DLG2: variants seen among roughly 807,000 people sequenced by gnomAD.
DLG2 encodes the protein discs large MAGUK scaffold protein 2.
DLG2 carries 45 observed loss-of-function variants against 132.5 expected under a neutral mutation model. The observed-to-expected ratio is 0.34, with a 90% CI of 0.27 to 0.44. The LOEUF (loss-of-function observed/expected upper bound fraction) is 0.44, where lower values mean the gene tolerates loss of function less well. Among genes scored for constraint, DLG2 ranks in the 20% least tolerant of loss-of-function variants. The pLI is 1.00. For synonymous variants in DLG2, 424 were observed against 419.6 expected, an observed-to-expected ratio of 1.01 and a Z score of -0.13; for missense variants, 1,045 against 1,196.9, an observed-to-expected ratio of 0.87 and a Z score of 1.87.
intron 19 of DLG2, among the ~76,000 whole-genome samples, chr11:83,549,593 T>C (rs1474816527): frequency 6.6e-6 from 1 of 152,158 alleles, no homozygotes; most frequent in African/African-American, 2.4e-5. Flanking sequence ...GACATAAAAA[T>C]GCATATGTAG....
Position 84,560,921 on chromosome 11 carries a change from G to A in DLG2, c.358-26190C>T, listed in dbSNP as rs149057593. On this transcript the variant is annotated intron_variant, in intron 6 of 27. Coordinates refer to ENST00000376104, the MANE Select transcript of DLG2 (RefSeq NM_001142699.3). ...TAACTCCTTCAACACAGATTTATTG[G>A]GCATCTGTCATCAGCTAGGCACTTT... 1.1e-4 allele frequency among the ~76,000 whole-genome samples: 16 copies of A among 152,056 alleles called. No homozygotes were observed. The East Asian group carries it at 2.9e-3, about 28-fold the overall frequency.
chr11:84,082,000 T>G (rs961301484), intron 10 of DLG2, among the ~76,000 whole-genome samples: 1 of 152,194 alleles, frequency 6.6e-6, no homozygotes, highest in African/African-American at 2.4e-5. Flanking sequence ...TCCTGACTTT[T>G]TAATGATCTC....
chr11:84,155,758 G>C (rs184669792), intron 9 of DLG2, among the ~76,000 whole-genome samples: 1 of 152,150 alleles, frequency 6.6e-6, no homozygotes, highest in East Asian at 1.9e-4. Context: ...AAGTAGTTCA[G>C]AATGACTGCA....
At chr11:84,337,985 G>A (rs1249437450) in intron 7 of DLG2, among the ~76,000 whole-genome samples, 1 of 152,054 alleles carries the variant, frequency 6.6e-6, no homozygotes, top group Non-Finnish European at 1.5e-5. Flanking sequence ...AAAAAGAGAA[G>A]TAAACTTTAT....
At chr11:85,459,051 G>A (rs1272446708) in intron 3 of DLG2, among the ~76,000 whole-genome samples, 3 of 152,208 alleles carry the variant, frequency 2.0e-5, no homozygotes, top group Non-Finnish European at 1.5e-5. Context: ...GCCTGGTGAT[G>A]AGAGGGTGTC....
chr11:84,260,341 A>G (rs143562586), intron 7 of DLG2, among the ~76,000 whole-genome samples: 1 of 152,264 alleles, frequency 6.6e-6, no homozygotes, highest in African/African-American at 2.4e-5. Context: ...AGAAATGGGG[A>G]TTGCTTGAAC....
intron 5 of DLG2, among the ~76,000 whole-genome samples, chr11:85,153,813 G>C (rs1033170428): frequency 6.6e-6 from 1 of 151,998 alleles, no homozygotes; most frequent in Non-Finnish European, 1.5e-5. Flanking sequence ...GCAGTACTAA[G>C]CATGTTCATA....
intron 6 of DLG2, among the ~76,000 whole-genome samples, chr11:84,690,286 C>T (rs1241171351): frequency 6.6e-6 from 1 of 151,368 alleles, no homozygotes; most frequent in East Asian, 1.9e-4. Context: ...ACATTCTTAC[C>T]ACAAAAAAGA....
At chr11:84,905,317 A>G (rs2091379874) in intron 6 of DLG2, among the ~76,000 whole-genome samples, 1 of 152,162 alleles carries the variant, frequency 6.6e-6, no homozygotes, top group African/African-American at 2.4e-5. Context: ...ATACTTTTCA[A>G]AACTCAAAGA....
At chr11:83,865,492 G>A (rs1403773077) in intron 16 of DLG2, among the ~76,000 whole-genome samples, 2 of 151,492 alleles carry the variant, frequency 1.3e-5, no homozygotes, top group Admixed American at 6.6e-5. Context: ...AGAAAAAAAA[G>A]AAAATGAATG....
intron 3 of DLG2, among the ~76,000 whole-genome samples, chr11:85,336,953 G>A (rs2082176170): frequency 6.6e-6 from 1 of 152,070 alleles, no homozygotes; most frequent in Non-Finnish European, 1.5e-5. Flanking sequence ...AGGAAGTACT[G>A]GCTTCCACTG....
At chr11:84,560,221 G>T (rs1565302367) in intron 6 of DLG2, among the ~76,000 whole-genome samples, 1 of 152,098 alleles carries the variant, frequency 6.6e-6, no homozygotes, top group Non-Finnish European at 1.5e-5. Flanking sequence ...TTTAGCCAAT[G>T]TTCTCAAATG....
At chr11:84,168,338 A>C (rs2095720156) in intron 8 of DLG2, among the ~76,000 whole-genome samples, 1 of 152,260 alleles carries the variant, frequency 6.6e-6, no homozygotes, top group East Asian at 1.9e-4. Context: ...AGTAGAGAAT[A>C]TGACAGACGA....
intron 3 of DLG2, among the ~76,000 whole-genome samples, chr11:85,482,878 C>T (rs1364755869): frequency 6.6e-6 from 1 of 152,136 alleles, no homozygotes; most frequent in South Asian, 2.1e-4. Context: ...CCAAGACCAC[C>T]CCTTCTGACC....
At chr11:85,563,998 G>C (rs1367803572) in intron 3 of DLG2, among the ~76,000 whole-genome samples, 1 of 152,006 alleles carries the variant, frequency 6.6e-6, no homozygotes, top group Non-Finnish European at 1.5e-5. Flanking sequence ...GATTTGTCTA[G>C]TAGTATCTCA....
At chr11:85,458,348 T>A (rs2092486748) in intron 3 of DLG2, among the ~76,000 whole-genome samples, 1 of 152,228 alleles carries the variant, frequency 6.6e-6, no homozygotes, top group Admixed American at 6.5e-5. Flanking sequence ...TTTTTAATGA[T>A]CCTTAGCTTT....
intron 3 of DLG2, among the ~76,000 whole-genome samples, chr11:85,469,161 T>C (rs1250865012): frequency 6.6e-6 from 1 of 152,222 alleles, no homozygotes; most frequent in African/African-American, 2.4e-5. Flanking sequence ...TCCTATCAGC[T>C]CCTCATTCTA....
At chr11:85,390,173 A>C (rs2086675525) in intron 3 of DLG2, among the ~76,000 whole-genome samples, 1 of 152,182 alleles carries the variant, frequency 6.6e-6, no homozygotes, top group African/African-American at 2.4e-5. Context: ...TATTCCATGC[A>C]AATGAACACC....
At chr11:83,883,979 G>C (rs371573965) in intron 15 of DLG2, among the ~76,000 whole-genome samples, 100 of 142,446 alleles carry the variant, frequency 7.0e-4, no homozygotes, top group Middle Eastern at 7.6e-3. Flanking sequence ...TGGCCGAATA[G>C]GAACAGCTCC....
Sources: allele counts gnomAD v4.1 joint callset (sites outside exome capture counted in the v4.1 genomes callset), GRCh38; gene constraint gnomAD v4.1.1; transcripts MANE v1.5; gene names NCBI Gene and HGNC (gene_info 2026-07-23, HGNC 2026-07-21).